The following KCNIP4 variants were observed in gnomAD, a reference collection of about 807,000 sequenced individuals.
The protein encoded by KCNIP4 is potassium voltage-gated channel interacting protein 4, also known as Kv channel-interacting protein 4.
A neutral mutation model predicts 34.0 loss-of-function variants in KCNIP4; 12 were observed. The observed-to-expected ratio is 0.35, with a 90% CI of 0.23 to 0.57. The LOEUF is 0.57. KCNIP4 is among the 20% of genes least tolerant of loss of function. The pLI, the probability that KCNIP4 is intolerant of heterozygous loss-of-function variation, is 0.83. For synonymous variants in KCNIP4, 124 were observed against 102.2 expected, an observed-to-expected ratio of 1.21 and a Z score of -1.29; for missense variants, 238 against 311.7, an observed-to-expected ratio of 0.76 and a Z score of 1.78.
At chr4:21,240,714 CATGGAAAAAT>C (rs1311299122) in intron 1 of KCNIP4, among the ~76,000 whole-genome samples, 6 of 152,160 alleles carry the variant, frequency 3.9e-5, no homozygotes, top group Non-Finnish European at 7.4e-5. Flanking sequence ...AACTGGAGAA[CATGGAAAAAT>C]TACCTCCTAA....
intron 1 of KCNIP4, among the ~76,000 whole-genome samples, chr4:21,403,359 A>G (rs1255562282): frequency 2.0e-5 from 3 of 152,194 alleles, no homozygotes; most frequent in African/African-American, 7.2e-5. Context: ...ATCCTAGTCA[A>G]TGTCACCATC....
chr4:21,781,654 T>C (rs1419529094), intron 1 of KCNIP4, among the ~76,000 whole-genome samples: 1 of 152,020 alleles, frequency 6.6e-6, no homozygotes, highest in Non-Finnish European at 1.5e-5. Context: ...TCACGAAGAA[T>C]AAAAAGAAAA....
intron 1 of KCNIP4, among the ~76,000 whole-genome samples, chr4:21,681,712 G>C (rs975767639): frequency 1.3e-5 from 2 of 152,026 alleles, no homozygotes; most frequent in Non-Finnish European, 2.9e-5. Context: ...AAGAAAAAAG[G>C]TTTCATTGGC....
chr4:21,304,151 T>C, intron 1 of KCNIP4: 1 of 188,904 alleles, frequency 5.3e-6, no homozygotes, highest in Non-Finnish European at 9.4e-6. Flanking sequence ...GAAAAGAGAC[T>C]AGATGGAGAT....
At chr4:21,105,076 G>A (rs1271721007) in intron 1 of KCNIP4, among the ~76,000 whole-genome samples, 1 of 151,570 alleles carries the variant, frequency 6.6e-6, no homozygotes, top group African/African-American at 2.4e-5. Flanking sequence ...TTGGCAATGT[G>A]GTCTCTTTTT....
At chr4:21,929,227 G>T (rs1410456092) in intron 1 of KCNIP4, among the ~76,000 whole-genome samples, 1 of 152,064 alleles carries the variant, frequency 6.6e-6, no homozygotes, top group Non-Finnish European at 1.5e-5. Context: ...TCATGGTAGT[G>T]GTTGTAACTG....
intron 1 of KCNIP4, among the ~76,000 whole-genome samples, chr4:21,504,415 C>T (rs758254192): frequency 4.2e-5 from 6 of 141,350 alleles, no homozygotes; most frequent in African/African-American, 1.3e-4. Context: ...TTGCAGTGAA[C>T]GGAGATCATG....
At chr4:20,948,591 G>C (rs971511974) in intron 1 of KCNIP4, among the ~76,000 whole-genome samples, 1 of 152,330 alleles carries the variant, frequency 6.6e-6, no homozygotes, top group South Asian at 2.1e-4. Flanking sequence ...CTTTCTGCCT[G>C]GTGCAGCTTT....
At chr4:21,108,254 TG>T (rs1209078014) in intron 1 of KCNIP4, among the ~76,000 whole-genome samples, 8 of 145,852 alleles carry the variant, frequency 5.5e-5, no homozygotes, top group African/African-American at 1.9e-4. Context: ...GACGTAGATT[TG>T]GTCTTTTCAC....
At chr4:21,637,571 A>C (rs1746289596) in intron 1 of KCNIP4, among the ~76,000 whole-genome samples, 1 of 151,932 alleles carries the variant, frequency 6.6e-6, no homozygotes, top group African/African-American at 2.4e-5. Context: ...TGGCTTGCGG[A>C]TAGGCATTCA....
intron 1 of KCNIP4, among the ~76,000 whole-genome samples, chr4:21,739,449 G>C (rs1341202657): frequency 1.3e-5 from 2 of 151,808 alleles, no homozygotes; most frequent in African/African-American, 4.8e-5. Context: ...GCTCTCAGAT[G>C]GTTCTATCTC....
At chr4:21,006,167 A>G (rs1213210044) in intron 1 of KCNIP4, among the ~76,000 whole-genome samples, 5 of 152,208 alleles carry the variant, frequency 3.3e-5, no homozygotes, top group Non-Finnish European at 7.4e-5. Context: ...AGATGAAGGC[A>G]CTATGCTGGG....
chr4:20,809,477 A>G (rs7696638), intron 3 of KCNIP4, among the ~76,000 whole-genome samples: 74,767 of 151,918 alleles, frequency 0.49, 18,621 homozygotes, highest in Admixed American at 0.57. Context: ...TGTCGCATTC[A>G]GGAGTTTCTC....
intron 1 of KCNIP4, among the ~76,000 whole-genome samples, chr4:20,970,103 G>A (rs963936869): frequency 9.2e-5 from 14 of 151,866 alleles, no homozygotes; most frequent in African/African-American, 2.9e-4. Flanking sequence ...CACCACGCCC[G>A]GCTAATTTTT....
chr4:21,097,848 A>G (rs2109060475), intron 1 of KCNIP4, among the ~76,000 whole-genome samples: 1 of 152,292 alleles, frequency 6.6e-6, no homozygotes. Flanking sequence ...ATCAAATGCT[A>G]GAAATGGTTA....
At chr4:21,771,719 C>T (rs781642090) in intron 1 of KCNIP4, among the ~76,000 whole-genome samples, 2 of 152,098 alleles carry the variant, frequency 1.3e-5, no homozygotes, top group Non-Finnish European at 1.5e-5. Flanking sequence ...CATGATTTAG[C>T]TCTCGGCTTG....
At chr4:21,035,513 T>C (rs1264312379) in intron 1 of KCNIP4, among the ~76,000 whole-genome samples, 1 of 152,238 alleles carries the variant, frequency 6.6e-6, no homozygotes, top group East Asian at 1.9e-4. Flanking sequence ...TCATGTTTCA[T>C]ATTCCTTTGG....
intron 3 of KCNIP4, among the ~76,000 whole-genome samples, chr4:20,792,739 AT>A (rs2149405948): frequency 6.6e-6 from 1 of 152,326 alleles, no homozygotes; most frequent in Admixed American, 6.5e-5. Flanking sequence ...AGATCTAATA[AT>A]ATAGATTAAA....
intron 1 of KCNIP4, among the ~76,000 whole-genome samples, chr4:21,280,853 A>T (rs1417568865): frequency 6.6e-6 from 1 of 152,168 alleles, no homozygotes; most frequent in Non-Finnish European, 1.5e-5. Context: ...AGAGAAGTTT[A>T]TGTGGGCCAT....
Sources: allele counts gnomAD v4.1 joint callset (sites outside exome capture counted in the v4.1 genomes callset), GRCh38; gene constraint gnomAD v4.1.1; transcripts MANE v1.5; gene names NCBI Gene and HGNC (gene_info 2026-07-23, HGNC 2026-07-21).